PDE6A: variants seen among roughly 807,000 people sequenced by gnomAD.
The protein encoded by PDE6A is phosphodiesterase 6A.
Under a neutral mutation model 106.3 loss-of-function variants are expected in PDE6A, and 84 were observed. That is an observed-to-expected ratio of 0.79 (90% confidence interval 0.66 to 0.95). The LOEUF is 0.95. Ranked by LOEUF, PDE6A falls within the 40% of genes least tolerant of loss-of-function variation. PDE6A has a pLI of 0.00. For missense variants in PDE6A, 1,052 were observed against 1,084.9 expected, an observed-to-expected ratio of 0.97 and a Z score of 0.43; for synonymous variants, 394 against 386.6, an observed-to-expected ratio of 1.02 and a Z score of -0.23.
At chr5:149,899,258 A>G in intron 9 of PDE6A, 117 bp downstream of exon 9, 1 of 943,662 alleles carries the variant, frequency 1.1e-6, no homozygotes, top group Non-Finnish European at 1.7e-6. Context: ...TTGATGAGGC[A>G]GAGTCAGGGT....
intron 13 of PDE6A, among the ~76,000 whole-genome samples, chr5:149,888,220 T>C (rs1226996354): frequency 6.6e-6 from 1 of 152,110 alleles, no homozygotes; most frequent in Non-Finnish European, 1.5e-5. Flanking sequence ...CTAAAAATAT[T>C]TGGGACTGTT....
intron 17 of PDE6A, among the ~76,000 whole-genome samples, chr5:149,881,449 C>T (rs2113543883): frequency 6.6e-6 from 1 of 152,272 alleles, no homozygotes; most frequent in East Asian, 1.9e-4. Flanking sequence ...TTTGCAGCAA[C>T]AGGGATGGTG....
intron 6 of PDE6A, among the ~76,000 whole-genome samples, chr5:149,911,944 A>G (rs1490264056): frequency 6.6e-6 from 1 of 151,824 alleles, no homozygotes; most frequent in Non-Finnish European, 1.5e-5. Flanking sequence ...GCTTGAACCC[A>G]GAAATTTGAG....
intron 1 of PDE6A, among the ~76,000 whole-genome samples, chr5:149,942,438 A>G (rs1395410364): frequency 1.3e-5 from 2 of 152,072 alleles, no homozygotes; most frequent in Non-Finnish European, 2.9e-5. Context: ...TACTCCTGGG[A>G]AGTCACCATA....
At chr5:149,900,938 C>T (rs760772612) in intron 8 of PDE6A, among the ~76,000 whole-genome samples, 1 of 151,972 alleles carries the variant, frequency 6.6e-6, no homozygotes, top group African/African-American at 2.4e-5. Context: ...TTTGTTGAGA[C>T]GGAGTTTTGC....
intron 6 of PDE6A, among the ~76,000 whole-genome samples, chr5:149,913,840 T>A (rs1753466682): frequency 6.6e-6 from 1 of 152,228 alleles, no homozygotes; most frequent in South Asian, 2.1e-4. Context: ...CAAAAAAGTA[T>A]AAGCCCATAT....
chr5:149,901,344 C>A (rs542435039), intron 8 of PDE6A, among the ~76,000 whole-genome samples: 1 of 152,094 alleles, frequency 6.6e-6, no homozygotes, highest in Non-Finnish European at 1.5e-5. Flanking sequence ...CCCTGACCAA[C>A]ATGGTGAAAC....
intron 7 of PDE6A, among the ~76,000 whole-genome samples, chr5:149,904,611 A>G (rs1344415706): frequency 6.6e-6 from 1 of 152,166 alleles, no homozygotes; most frequent in African/African-American, 2.4e-5. Context: ...CTAGTTCTCA[A>G]AAAGGCACCA....
intron 12 of PDE6A, among the ~76,000 whole-genome samples, chr5:149,895,788 A>G (rs30817): frequency 0.28 from 41,764 of 151,850 alleles, 6,033 homozygotes; most frequent in African/African-American, 0.34. Flanking sequence ...AGAGAGAGAG[A>G]GAAAGAGGAG....
Position 149,944,629 on chromosome 5 carries a change from C to T in PDE6A, c.45G>A (p.Ser15=), listed in dbSNP as rs146811139. ...AGTACTGTTTGGCAAAGCCAATATT[C>T]GAGTCCAGGAACTTCTCCACCTCCT... ...TAEEVEKFLD[S]NIGFAKQYYN... is the part of the protein sequence containing the mutation. The change falls in exon 1 of 22, where the codon TCG becomes TCA. Residue 15 remains serine, a synonymous_variant. Transcript: ENST00000255266. 127 of 1,613,248 alleles carry T rather than the reference C, an allele frequency of 7.9e-5. No individual in the cohort carries two copies. Among genetic ancestry groups the T allele is most frequent in the Non-Finnish European group, 9.6e-5 (113 of 1,179,782 alleles).
In PDE6A at chr5:149,860,017, A is replaced by T. The variant is rs536546940; in HGVS notation, c.*878T>A. The stretch of plus-strand genomic sequence containing the variant: ...CCTCCTGGGTTCAAGAGATCCTCTC[A>T]CCTCTGCCTCCCAGGTAGCTGAGAC... On this transcript the variant is annotated 3_prime_UTR_variant, in exon 22 of 22. Transcript: ENST00000255266. 1 of 152,290 alleles carries T rather than the reference A, an allele frequency of 6.6e-6. No homozygotes were observed. The highest frequency in any genetic ancestry group is 1.9e-4 in the East Asian group (1 of 5,174). 9.4% of individuals were successfully genotyped at this position (152,290 alleles called of 1,614,324 possible). A position where few individuals can be genotyped will look rare whatever the true frequency, so the allele number is the denominator to read the frequency against.
At chr5:149,913,927 C>G (rs1054365419) in intron 6 of PDE6A, among the ~76,000 whole-genome samples, 2 of 152,194 alleles carry the variant, frequency 1.3e-5, no homozygotes, top group Admixed American at 1.3e-4. Flanking sequence ...TGAGAGCATT[C>G]TTTCCTTTTC....
intron 8 of PDE6A, among the ~76,000 whole-genome samples, chr5:149,901,002 G>A (rs1752958542): frequency 6.6e-6 from 1 of 152,030 alleles, no homozygotes; most frequent in African/African-American, 2.4e-5. Flanking sequence ...TGCAACCTCC[G>A]CTTCCTGGGT....
chr5:149,921,697 C>T lies in PDE6A; in HGVS notation c.871G>A (p.Val291Met), dbSNP rs750168514. Residue 291 changes from valine to methionine, a missense_variant, in exon 5 of 22, where the codon GTG (valine) becomes ATG (methionine). By Grantham distance (21) the Val-to-Met change is conservative. This residue lies in a region of PDE6A where 913 missense variants were observed against 915.2 expected (regional missense o/e 1.00). Transcript: ENST00000255266. ...DMTKQKEFFD[V>M]WPVLMGEVPP... is the part of the protein sequence containing the mutation. The stretch of plus-strand genomic sequence containing the variant: ...ACTTCACCCATCAGAACCGGCCACA[C>T]ATCAAAAAATTCCTAGGAATGAGAA... 9.3e-6 allele frequency: 15 copies of T among 1,613,574 alleles called. No individual in the cohort carries two copies. The highest frequency in any genetic ancestry group is 7.7e-5 in the South Asian group (7 of 91,046).
At chr5:149,910,169 C>T (rs146098097) in intron 6 of PDE6A, among the ~76,000 whole-genome samples, 138 of 151,218 alleles carry the variant, frequency 9.1e-4, no homozygotes, top group Non-Finnish European at 1.7e-3. Context: ...GACTCTTTAT[C>T]TCTACTAATG....
intron 1 of PDE6A, among the ~76,000 whole-genome samples, chr5:149,940,520 A>T (rs1754300440): frequency 1.0e-5 from 1 of 98,264 alleles, no homozygotes; most frequent in African/African-American, 4.7e-5. Flanking sequence ...TTTTTTGGAG[A>T]CAGTTTTGCT....
chr5:149,883,566 G>A, intron 16 of PDE6A, 30 bp from the exon 17 acceptor site: 1 of 1,463,580 alleles, frequency 6.8e-7, no homozygotes, highest in Non-Finnish European at 9.6e-7. Flanking sequence ...AGTAAAGGGA[G>A]CAAGTCTTAG....
chr5:149,941,152 GA>G (rs1246962492), intron 1 of PDE6A, among the ~76,000 whole-genome samples: 1 of 152,200 alleles, frequency 6.6e-6, no homozygotes, highest in African/African-American at 2.4e-5. Flanking sequence ...ACTTGATTGT[GA>G]GTCTTTTACA....
intron 4 of PDE6A, among the ~76,000 whole-genome samples, chr5:149,925,483 G>A (rs1328662619): frequency 6.6e-6 from 1 of 152,178 alleles, no homozygotes; most frequent in Non-Finnish European, 1.5e-5. Context: ...AAGACAGGCA[G>A]ACCACTTGAG....
Sources: allele counts gnomAD v4.1 joint callset (sites outside exome capture counted in the v4.1 genomes callset), GRCh38; gene constraint gnomAD v4.1.1; regional missense constraint gnomAD v4.1.1; transcripts MANE v1.5; gene names NCBI Gene and HGNC (gene_info 2026-07-23, HGNC 2026-07-21).